Variants in CD226 observed in about 807,000 individuals in gnomAD.
CD226 encodes CD226 antigen.
In CD226, 24 loss-of-function variants were observed where a neutral mutation model predicts 34.9. The ratio of observed to expected loss-of-function variants is 0.69; its 90% CI spans 0.50 to 0.97. The LOEUF (loss-of-function observed/expected upper bound fraction) is 0.97. Ranked by LOEUF, CD226 falls within the 50% of genes least tolerant of loss-of-function variation. CD226 has a pLI of 0.00. For missense variants in CD226, 397 were observed against 412.7 expected (o/e 0.96, Z 0.33); for synonymous variants, 148 against 147.4 (o/e 1.00, Z -0.03).
At chr18:69,891,659 C>T in intron 3 of CD226, among the ~76,000 whole-genome samples, 1 of 152,044 alleles carries the variant, frequency 6.6e-6, no homozygotes, top group East Asian at 1.9e-4. Flanking sequence ...CAAAAATCAA[C>T]ATATAAAATA....
chr18:69,912,487 G>A (rs2055337569), intron 2 of CD226, among the ~76,000 whole-genome samples: 3 of 152,118 alleles, frequency 2.0e-5, no homozygotes, highest in Admixed American at 2.0e-4. Flanking sequence ...CTGAGAAAGG[G>A]TATACAAAGC....
intron 5 of CD226, 137 bp downstream of exon 5, chr18:69,867,219 CT>C (rs1409976568): frequency 1.6e-6 from 1 of 629,524 alleles, no homozygotes; most frequent in Non-Finnish European, 2.8e-6. Context: ...CTCCAAATAG[CT>C]GATATTTAAA....
At chr18:69,885,472 A>G (rs1318476309) in intron 3 of CD226, among the ~76,000 whole-genome samples, 2 of 152,276 alleles carry the variant, frequency 1.3e-5, no homozygotes, top group African/African-American at 4.8e-5. Context: ...GAAGCCTCAG[A>G]AGGAGGAAGG....
At chr18:69,873,312 G>A (rs1219170653) in intron 3 of CD226, 66 bp from the exon 4 acceptor site, 15 of 742,630 alleles carry the variant, frequency 2.0e-5, no homozygotes, top group Non-Finnish European at 2.5e-5. Context: ...AGTAAGGCAG[G>A]AAAATAAAGA....
chr18:69,883,602 G>A (rs77904083), intron 3 of CD226, among the ~76,000 whole-genome samples: 3 of 152,224 alleles, frequency 2.0e-5, no homozygotes, highest in Non-Finnish European at 4.4e-5. Flanking sequence ...ATCTAAAAAT[G>A]ATAATTTAAA....
Position 69,864,267 on chromosome 18 carries a change from A to T in CD226, c.*47T>A, listed in dbSNP as rs776426087. ...AAAAAAATTGCATAAAGATCCATGC[A>T]TGAGTACATAAGAGTCATTACTAAT... On this transcript the variant is annotated 3_prime_UTR_variant, in exon 6 of 6. Coordinates refer to ENST00000582621, the MANE Select transcript of CD226 (RefSeq NM_001303618.2). The T allele has an allele frequency of 1.2e-6, 2 of 1,601,254 alleles. No homozygotes were observed. The highest frequency in any genetic ancestry group is 2.2e-5 in the East Asian group (1 of 44,678).
chr18:69,911,296 T>C (rs1445410403), intron 2 of CD226, among the ~76,000 whole-genome samples: 1 of 152,084 alleles, frequency 6.6e-6, no homozygotes, highest in Non-Finnish European at 1.5e-5. Flanking sequence ...GGAAGGGTAA[T>C]AGAGTGGATT....
chr18:69,891,397 T>C (rs1038933450), intron 3 of CD226, among the ~76,000 whole-genome samples: 2 of 152,048 alleles, frequency 1.3e-5, no homozygotes, highest in African/African-American at 2.4e-5. Context: ...CATGTAAGAC[T>C]GAGAACTTTT....
At position 69,864,254 on chromosome 18, in the gene CD226, T is replaced by C; in HGVS notation, c.*60A>G. ...CCTTGGGTAGTGGAAAAAAATTGCA[T>C]AAAGATCCATGCATGAGTACATAAG... On this transcript the variant is annotated 3_prime_UTR_variant, in exon 6 of 6. Coordinates refer to ENST00000582621, the MANE Select transcript of CD226 (RefSeq NM_001303618.2). 3 of 1,569,244 alleles carry C rather than the reference T, an allele frequency of 1.9e-6. No homozygotes were observed. The highest frequency in any genetic ancestry group is 2.6e-6 in the Non-Finnish European group (3 of 1,147,762).
At chr18:69,879,803 A>G (rs542774792) in intron 3 of CD226, among the ~76,000 whole-genome samples, 17 of 152,362 alleles carry the variant, frequency 1.1e-4, no homozygotes, top group African/African-American at 3.1e-4. Context: ...CCATGGCTTC[A>G]GCCAGTCCCT....
At chr18:69,867,517 AATAT>A in intron 4 of CD226, 106 bp from the exon 5 acceptor site, 1 of 706,994 alleles carries the variant, frequency 1.4e-6, no homozygotes, top group Non-Finnish European at 2.5e-6. Flanking sequence ...TGCACCTTCT[AATAT>A]GTTGAAGTAG....
At chr18:69,946,180 C>CAAAAAAAAAAAAAAAAAAAAAAAAAAAAA (rs60750165) in intron 2 of CD226, among the ~76,000 whole-genome samples, 1 of 66,376 alleles carries the variant, frequency 1.5e-5, no homozygotes, top group Non-Finnish European at 2.5e-5. Flanking sequence ...AAGACTCCAT[C>CAAAAAAAAAAAAAAAAAAAAAAAAAAAAA]AAAAAAAAAA....
intron 3 of CD226, among the ~76,000 whole-genome samples, chr18:69,875,672 G>A (rs1250448368): frequency 1.3e-5 from 2 of 152,168 alleles, no homozygotes; most frequent in Non-Finnish European, 2.9e-5. Context: ...ATACCTATTG[G>A]CCAGTGTTAT....
At position 69,946,853 on chromosome 18, in the gene CD226, GA is replaced by G; in HGVS notation, c.262del (p.Ser88ProfsTer4). On this transcript the variant is annotated frameshift_variant, in exon 2 of 6. Transcript: ENST00000582621. LOFTEE classifies it high-confidence loss of function. ...CCGAAAGAAAAGAGTCATGTTATTG[GA>G]AGCCATCGTTGAATTCAAAAAGTAA... is the stretch of plus-strand genomic sequence containing the variant. ...RVYFLNSTMA[S>X]NNMTLFFRNA... 1 of 1,614,112 alleles carries G rather than the reference GA, an allele frequency of 6.2e-7. No individual in the cohort carries two copies. Among genetic ancestry groups the G allele is most frequent in the Non-Finnish European group, 8.5e-7 (1 of 1,179,994 alleles).
intron 3 of CD226, among the ~76,000 whole-genome samples, chr18:69,895,435 C>A (rs1985213225): frequency 1.3e-5 from 2 of 152,078 alleles, no homozygotes. Context: ...TTTTTCAGCC[C>A]TTTACGAATT....
At chr18:69,939,630 A>C (rs2055698703) in intron 2 of CD226, among the ~76,000 whole-genome samples, 1 of 152,210 alleles carries the variant, frequency 6.6e-6, no homozygotes, top group South Asian at 2.1e-4. Flanking sequence ...GAATTATTGG[A>C]TCATAGGATT....
At chr18:69,873,819 C>T (rs1983697573) in intron 3 of CD226, among the ~76,000 whole-genome samples, 1 of 152,050 alleles carries the variant, frequency 6.6e-6, no homozygotes, top group African/African-American at 2.4e-5. Context: ...TGCAGTGAGC[C>T]CGGATCTTGC....
Position 69,883,170 on chromosome 18 carries a change from A to C in CD226, c.728-9924T>G, listed in dbSNP as rs186483973. Among the ~76,000 whole-genome samples the C allele has an allele frequency of 2.7e-3, 413 of 152,330 alleles. 3 individuals are homozygous for C. The highest frequency in any genetic ancestry group is 9.2e-3 in the African/African-American group (383 of 41,574). On this transcript the variant is annotated intron_variant, in intron 3 of 5. Coordinates refer to ENST00000582621, the MANE Select transcript of CD226 (RefSeq NM_001303618.2). The stretch of plus-strand genomic sequence containing the variant: ...CTCTGCTTGGATAAGCATAGCAGTG[A>C]GACTGTCATAGATACTGTCACCTTT...
At position 69,867,382 on chromosome 18, in the gene CD226, A is replaced by C; in HGVS notation, c.860T>G (p.Phe287Cys). 1 of 1,596,564 alleles carries C rather than the reference A, an allele frequency of 6.3e-7. No individual in the cohort carries two copies. The highest frequency in any genetic ancestry group is 1.1e-5 in the South Asian group (1 of 90,786). ...RRRRRERRDL[F>C]TESWDTQKAP... ...CTTCTGTGTATCCCAGGACTCTGTA[A>C]ATAGATCTCTTCTCTCTCTCCTTCT... is the stretch of plus-strand genomic sequence containing the variant. Residue 287 changes from phenylalanine to cysteine, a missense_variant, in exon 5 of 6, where the codon TTT becomes TGT. By Grantham distance (205) the Phe-to-Cys change is radical. Coordinates refer to ENST00000582621, the MANE Select transcript of CD226 (RefSeq NM_001303618.2).
Sources: allele counts gnomAD v4.1 joint callset (sites outside exome capture counted in the v4.1 genomes callset), GRCh38; gene constraint gnomAD v4.1.1; transcripts MANE v1.5; gene names NCBI Gene and HGNC (gene_info 2026-07-23, HGNC 2026-07-21).